Variants in AP2B1 observed in about 807,000 individuals in gnomAD.
AP2B1 encodes adaptor related protein complex 2 subunit beta 1, also known as AP-2 complex subunit beta.
A neutral mutation model predicts 102.0 loss-of-function variants in AP2B1; 23 were observed. That is an observed-to-expected ratio of 0.23 (90% CI 0.16 to 0.32). The LOEUF (loss-of-function observed/expected upper bound fraction) is 0.32. Ranked by LOEUF, AP2B1 falls within the 10% of genes least tolerant of loss-of-function variation. The pLI, the probability that AP2B1 is intolerant of heterozygous loss-of-function variation, is 1.00. For missense variants in AP2B1, 541 were observed against 1,157.4 expected (o/e 0.47, Z 7.73); for synonymous variants, 381 against 421.2 (o/e 0.90, Z 1.17).
chr17:35,594,338 A>T (rs749064613), intron 2 of AP2B1, among the ~76,000 whole-genome samples: 4 of 152,184 alleles, frequency 2.6e-5, no homozygotes, highest in Non-Finnish European at 5.9e-5. Context: ...TCCATTGGAG[A>T]TTGGTTAAGT....
rs769606652 is a variant in AP2B1, at chr17:35,691,750, G to A, written c.2454+8926G>A. Among the ~76,000 whole-genome samples the A allele has an allele frequency of 2.0e-5, 3 of 152,178 alleles. No homozygotes were observed. In the East Asian group the frequency reaches 5.8e-4, roughly 29 times the overall value. On this transcript the variant is annotated intron_variant, in intron 18 of 21. Coordinates refer to ENST00000610402, the MANE Select transcript of AP2B1 (RefSeq NM_001030006.2). Reference sequence around the variant, plus strand: ...ATATTCCACCTAAAATATTCCATAAGCAGTATGTAGGTACTGGAGTCTTCA... The same window carrying A: ...ATATTCCACCTAAAATATTCCATAAACAGTATGTAGGTACTGGAGTCTTCA...
intron 5 of AP2B1, among the ~76,000 whole-genome samples, chr17:35,615,928 T>G (rs1226327236): frequency 6.6e-6 from 1 of 152,086 alleles, no homozygotes; most frequent in Non-Finnish European, 1.5e-5. Flanking sequence ...GTGGAATCAT[T>G]GGGGGCTGCT....
At chr17:35,667,000 T>C (rs1296201851) in intron 14 of AP2B1, among the ~76,000 whole-genome samples, 1 of 152,214 alleles carries the variant, frequency 6.6e-6, no homozygotes, top group Non-Finnish European at 1.5e-5. Flanking sequence ...TGAACTGAAA[T>C]AGCTACTGTC....
chr17:35,681,656 G>A (rs920228782), intron 17 of AP2B1, among the ~76,000 whole-genome samples: 1 of 152,084 alleles, frequency 6.6e-6, no homozygotes, highest in Non-Finnish European at 1.5e-5. Context: ...TCCTGCCTCA[G>A]CCTCCCAAAG....
At position 35,691,459 on chromosome 17, in the gene AP2B1, A is replaced by T. The variant is rs1017166278; in HGVS notation, c.2454+8635A>T. ...GAAGACCTTTTCAGCGCTCCCATCA[A>T]ATGAAGCAAACCAGCTTGGCATTTG... On this transcript the variant is annotated intron_variant, in intron 18 of 21. Transcript: ENST00000610402. Among the ~76,000 whole-genome samples, 4 of 152,212 alleles carry T rather than the reference A, an allele frequency of 2.6e-5. No homozygotes were observed. The East Asian group carries it at 7.7e-4, about 29-fold the overall frequency.
chr17:35,701,598 T>C (rs1437484725), intron 18 of AP2B1, among the ~76,000 whole-genome samples: 1 of 152,164 alleles, frequency 6.6e-6, no homozygotes, highest in African/African-American at 2.4e-5. Flanking sequence ...TACTGTGCTT[T>C]TGGGACTTGT....
At chr17:35,713,330 C>G (rs889957389) in intron 20 of AP2B1, among the ~76,000 whole-genome samples, 46 of 152,210 alleles carry the variant, frequency 3.0e-4, no homozygotes, top group Non-Finnish European at 7.3e-5. Context: ...TGCATTTTCT[C>G]CAGGAGTCCA....
rs370502932 is a variant in AP2B1 at position 35,605,709 on chromosome 17, C to G, written c.148C>G (p.Leu50Val). The G allele has an allele frequency of 6.2e-7, 1 of 1,608,872 alleles. No individual in the cohort carries two copies. The highest frequency in any genetic ancestry group is 1.3e-5 in the African/African-American group (1 of 74,708). Residue 50 changes from leucine to valine, a missense_variant, in exon 4 of 22, where the codon CTC becomes GTC. Coordinates refer to ENST00000610402, the MANE Select transcript of AP2B1 (RefSeq NM_001030006.2). ...TCTTTTACCCTCTCTTCTCAGTTCT[C>G]TCTTTCCAGACGTAGTGAACTGTAT... ...AMTVGKDVSSLFPDVVNCMQT... is the reference protein window; with the variant it reads ...AMTVGKDVSSVFPDVVNCMQT...
chr17:35,674,034 A>G, intron 16 of AP2B1, 142 bp from the exon 17 acceptor site: 1 of 741,500 alleles, frequency 1.3e-6, no homozygotes, highest in Non-Finnish European at 2.1e-6. Context: ...TGATATTTAT[A>G]GTATAAAAAT....
Position 35,627,732 on chromosome 17 carries a change from TG to T in AP2B1, c.1155+7del, listed in dbSNP as rs752416412. The stretch of plus-strand genomic sequence containing the variant: ...GGTGTGCCATCAAGGTGGAGGCAAG[TG>T]TCTGATGGTAGTTAGGATCATGTAT... On this transcript the variant is annotated splice_region_variant and intron_variant, in intron 9 of 21. Transcript: ENST00000610402. 6.2e-7 allele frequency: 1 copy of T among 1,612,768 alleles called. No homozygotes were observed. The highest frequency in any genetic ancestry group is 8.5e-7 in the Non-Finnish European group (1 of 1,179,036).
At position 35,605,692 on chromosome 17, in the gene AP2B1, C is replaced by T; in HGVS notation, c.144-13C>T. 6.3e-7 allele frequency: 1 copy of T among 1,594,148 alleles called. No homozygotes were observed. The highest frequency in any genetic ancestry group is 8.6e-7 in the Non-Finnish European group (1 of 1,167,130). On this transcript the variant is annotated splice_polypyrimidine_tract_variant and intron_variant, in intron 3 of 21. Coordinates refer to ENST00000610402, the MANE Select transcript of AP2B1 (RefSeq NM_001030006.2). Reference sequence around the variant, plus strand: ...TGCTTACTTTCCTTTTCTCTTTTACCCTCTCTTCTCAGTTCTCTCTTTCCA... The same window carrying T: ...TGCTTACTTTCCTTTTCTCTTTTACTCTCTCTTCTCAGTTCTCTCTTTCCA...
intron 5 of AP2B1, among the ~76,000 whole-genome samples, chr17:35,611,486 C>T (rs994679341): frequency 2.0e-5 from 3 of 152,012 alleles, no homozygotes; most frequent in South Asian, 2.1e-4. Context: ...TGTGTGCGCG[C>T]GCGCACGTGC....
At chr17:35,613,410 CT>C (rs1164627793) in intron 5 of AP2B1, among the ~76,000 whole-genome samples, 2 of 151,822 alleles carry the variant, frequency 1.3e-5, no homozygotes, top group African/African-American at 4.8e-5. Context: ...GTTTTGTTTC[CT>C]GTGTTTTGCA....
intron 20 of AP2B1, 92 bp downstream of exon 20, chr17:35,710,412 TC>T (rs2076422375): frequency 1.2e-6 from 1 of 821,542 alleles, no homozygotes; most frequent in Non-Finnish European, 2.0e-6. Context: ...CCTTTTATCC[TC>T]CCCCGTATCT....
chr17:35,651,923 CCA>C (rs1255348722), intron 13 of AP2B1, among the ~76,000 whole-genome samples: 2 of 152,068 alleles, frequency 1.3e-5, no homozygotes, highest in African/African-American at 4.8e-5. Context: ...AGAATTTCTC[CCA>C]GTCTGTGCTT....
chr17:35,687,986 A>G (rs1364214189), intron 18 of AP2B1, among the ~76,000 whole-genome samples: 2 of 152,236 alleles, frequency 1.3e-5, no homozygotes, highest in East Asian at 3.8e-4. Context: ...CTGTAATTCA[A>G]TCCCAAATTC....
At chr17:35,693,578 A>G (rs2142999672) in intron 18 of AP2B1, among the ~76,000 whole-genome samples, 2 of 152,272 alleles carry the variant, frequency 1.3e-5, no homozygotes, top group South Asian at 2.1e-4. Flanking sequence ...ATCCATTTAG[A>G]AGGAGGGACC....
intron 5 of AP2B1, among the ~76,000 whole-genome samples, chr17:35,612,898 AC>A (rs1175146295): frequency 3.3e-5 from 5 of 151,670 alleles, no homozygotes; most frequent in Non-Finnish European, 5.9e-5. Context: ...ACACACACAC[AC>A]ACACACACAG....
chr17:35,717,466 A>G, intron 21 of AP2B1, 117 bp downstream of exon 21: 4 of 1,150,428 alleles, frequency 3.5e-6, no homozygotes, highest in Non-Finnish European at 5.0e-6. Flanking sequence ...GAGATATACA[A>G]AATAAGTAGT....
Sources: allele counts gnomAD v4.1 joint callset (sites outside exome capture counted in the v4.1 genomes callset), GRCh38; gene constraint gnomAD v4.1.1; transcripts MANE v1.5; gene names NCBI Gene and HGNC (gene_info 2026-07-23, HGNC 2026-07-21).